The following VPS35L variants were observed in gnomAD, a reference collection of about 807,000 sequenced individuals.
The protein encoded by VPS35L is VPS35 endosomal protein sorting factor like.
A neutral mutation model predicts 133.0 loss-of-function variants in VPS35L; 83 were observed. The ratio of observed to expected loss-of-function variants is 0.62; its 90% CI spans 0.52 to 0.75. The LOEUF (loss-of-function observed/expected upper bound fraction) is 0.75, where lower values mean the gene tolerates loss of function less well. Among genes scored for constraint, VPS35L ranks in the 30% least tolerant of loss-of-function variants. VPS35L has a pLI of 0.00. For synonymous variants in VPS35L, 423 were observed against 449.9 expected (o/e 0.94, Z 0.76); for missense variants, 1,083 against 1,206.8 (o/e 0.90, Z 1.52).
rs1976119441 is a variant in VPS35L at position 19,701,103 on chromosome 16, G to C, written c.*627G>C. 1 of 152,218 alleles carries C rather than the reference G, an allele frequency of 6.6e-6. No individual in the cohort carries two copies. Among genetic ancestry groups the C allele is most frequent in the South Asian group, 2.1e-4 (1 of 4,824 alleles). 9.4% of individuals were successfully genotyped at this position (152,218 alleles called of 1,614,324 possible). On this transcript the variant is annotated 3_prime_UTR_variant, in exon 31 of 31. Coordinates refer to ENST00000417362, the MANE Select transcript of VPS35L (RefSeq NM_020314.7). ...TCTGTGGCTTCAGTATACAGTAACT[G>C]AATAAATGTCCTGAAGGAGCATTTA...
intron 14 of VPS35L, among the ~76,000 whole-genome samples, chr16:19,620,134 G>A (rs1211425352): frequency 6.6e-6 from 1 of 152,146 alleles, no homozygotes; most frequent in African/African-American, 2.4e-5. Flanking sequence ...ATAATAAAGC[G>A]CCATAGAATG....
intron 1 of VPS35L, 107 bp from the exon 2 acceptor site, chr16:19,564,744 A>G (rs1971134069): frequency 2.7e-6 from 2 of 742,540 alleles, no homozygotes; most frequent in Admixed American, 5.6e-5. Context: ...TTTGGTGGGA[A>G]TATTGTGCTG....
chr16:19,611,376 A>G (rs1419557154), intron 12 of VPS35L, among the ~76,000 whole-genome samples: 2 of 152,104 alleles, frequency 1.3e-5, no homozygotes, highest in African/African-American at 4.8e-5. Flanking sequence ...TAGCAACGAG[A>G]ATCTTCCCTA....
intron 12 of VPS35L, 134 bp downstream of exon 12, chr16:19,610,549 A>G: frequency 1.8e-6 from 1 of 556,572 alleles, no homozygotes; most frequent in Non-Finnish European, 3.1e-6. Flanking sequence ...ATTTTAGATC[A>G]TGGCTCTGCC....
At chr16:19,630,326 GTTTTTTTTTT>G (rs201807727) in intron 18 of VPS35L, among the ~76,000 whole-genome samples, 2 of 106,518 alleles carry the variant, frequency 1.9e-5, no homozygotes, top group Non-Finnish European at 3.7e-5. Context: ...AGTCCTAAAA[GTTTTTTTTTT>G]TTTTTTTTTT....
intron 3 of VPS35L, among the ~76,000 whole-genome samples, chr16:19,570,150 C>G (rs2151506519): frequency 6.6e-6 from 1 of 152,242 alleles, no homozygotes; most frequent in African/African-American, 2.4e-5. Flanking sequence ...ACTGCAGCCT[C>G]CGACTCCGGG....
intron 8 of VPS35L, among the ~76,000 whole-genome samples, chr16:19,599,956 G>A (rs1972329105): frequency 6.6e-6 from 1 of 152,180 alleles, no homozygotes; most frequent in East Asian, 1.9e-4. Flanking sequence ...TGGAAGGATT[G>A]CTTGAACCCA....
chr16:19,622,631 T>C (rs1973122179), intron 14 of VPS35L, among the ~76,000 whole-genome samples: 1 of 152,180 alleles, frequency 6.6e-6, no homozygotes, highest in Non-Finnish European at 1.5e-5. Flanking sequence ...AAGGGTCAAC[T>C]GTATACTAAA....
intron 18 of VPS35L, among the ~76,000 whole-genome samples, chr16:19,630,326 G>GTTTTTTT (rs201807727): frequency 3.0e-4 from 32 of 106,538 alleles, no homozygotes; most frequent in Non-Finnish European, 3.9e-4. Flanking sequence ...AGTCCTAAAA[G>GTTTTTTT]TTTTTTTTTT....
chr16:19,569,710 C>T, intron 3 of VPS35L, 119 bp downstream of exon 3: 13 of 1,127,582 alleles, frequency 1.2e-5, no homozygotes, highest in Non-Finnish European at 1.6e-5. Context: ...ACTCTGTCAC[C>T]CAGGCTGGAG....
rs1188043670 is a variant in VPS35L, at chr16:19,700,744, G to C, written c.*268G>C. ...GCCTTCGGTCTACTCAGCCCGATCT[G>C]ATGGGCCTTTTTAGCAAGAGAGAAA... On this transcript the variant is annotated 3_prime_UTR_variant, in exon 31 of 31. Transcript: ENST00000417362. 2 of 391,446 alleles carry C rather than the reference G, an allele frequency of 5.1e-6. No homozygotes were observed. The highest frequency in any genetic ancestry group is 9.1e-6 in the Non-Finnish European group (2 of 219,220). 24.2% of individuals were successfully genotyped at this position (391,446 alleles called of 1,614,324 possible). A position where few individuals can be genotyped will look rare whatever the true frequency, so the allele number is the denominator to read the frequency against.
rs536911858 is a variant in VPS35L, at chr16:19,558,582, G to C, written c.17+2836G>C. ...GAGATGAGATGTCCTGTATACCCTA[G>C]ATCACATTTTCCGTTTAATCCTGTG... On this transcript the variant is annotated intron_variant, in intron 1 of 30. Coordinates refer to ENST00000417362, the MANE Select transcript of VPS35L (RefSeq NM_020314.7). Among the ~76,000 whole-genome samples, 3 of 152,238 alleles carry C rather than the reference G, an allele frequency of 2.0e-5. No homozygotes were observed. The South Asian group carries it at 6.2e-4, about 32-fold the overall frequency.
chr16:19,667,012 A>T (rs1567470817), intron 26 of VPS35L, among the ~76,000 whole-genome samples: 1 of 112,820 alleles, frequency 8.9e-6, no homozygotes, highest in Non-Finnish European at 1.9e-5. Flanking sequence ...GAGACAGAGC[A>T]TTGCTCTGTT....
At chr16:19,664,570 A>G (rs1233747924) in intron 26 of VPS35L, among the ~76,000 whole-genome samples, 1 of 151,760 alleles carries the variant, frequency 6.6e-6, no homozygotes, top group Non-Finnish European at 1.5e-5. Context: ...TACTGGAAAT[A>G]TAAGCAGAAA....
intron 26 of VPS35L, among the ~76,000 whole-genome samples, chr16:19,656,900 C>T (rs113356161): frequency 0.013 from 1,960 of 149,860 alleles, 41 homozygotes; most frequent in African/African-American, 0.044. Context: ...AAAAGACTTG[C>T]GGTTCCTCCA....
In VPS35L at chr16:19,689,264, A is replaced by T. The variant is rs1412586736; in HGVS notation, c.2528-2089A>T. 2.2e-5 allele frequency among the ~76,000 whole-genome samples: 3 copies of T among 137,760 alleles called. No homozygotes were observed. In the East Asian group the frequency reaches 6.2e-4, roughly 29 times the overall value. The allele number at this position is 137,760 out of a possible 152,430, so 90.4% of individuals were successfully genotyped here. A position where few individuals can be genotyped will look rare whatever the true frequency, so the allele number is the denominator to read the frequency against. On this transcript the variant is annotated intron_variant, in intron 28 of 30. Transcript: ENST00000417362. ...AGTGCTGGGATTACAGGTGTGAGCC[A>T]CTGTGCCTGGCGTTTTTTTTTTTTG...
At chr16:19,692,301 C>T (rs1975721389) in intron 29 of VPS35L, among the ~76,000 whole-genome samples, 1 of 152,202 alleles carries the variant, frequency 6.6e-6, no homozygotes, top group Non-Finnish European at 1.5e-5. Flanking sequence ...GATGCTCCAT[C>T]AGTTCATGGT....
intron 28 of VPS35L, among the ~76,000 whole-genome samples, chr16:19,687,410 G>A (rs1001880980): frequency 2.7e-4 from 41 of 152,262 alleles, no homozygotes; most frequent in African/African-American, 9.9e-4. Context: ...AATTCTTCTC[G>A]CTTCTTACAA....
intron 23 of VPS35L, among the ~76,000 whole-genome samples, chr16:19,646,606 G>C (rs190298989): frequency 6.6e-6 from 1 of 151,924 alleles, no homozygotes; most frequent in Non-Finnish European, 1.5e-5. Flanking sequence ...CAGAGGTTGC[G>C]GTGAGCCAAG....
Sources: allele counts gnomAD v4.1 joint callset (sites outside exome capture counted in the v4.1 genomes callset), GRCh38; gene constraint gnomAD v4.1.1; transcripts MANE v1.5; gene names NCBI Gene and HGNC (gene_info 2026-07-23, HGNC 2026-07-21).